RPS6KC1: variants seen among roughly 807,000 people sequenced by gnomAD.
The protein encoded by RPS6KC1 is ribosomal protein S6 kinase C1.
RPS6KC1 carries 54 observed loss-of-function variants against 103.8 expected under a neutral mutation model. The observed-to-expected ratio is 0.52, with a 90% CI of 0.42 to 0.65. The LOEUF is 0.65. RPS6KC1 is among the 30% of genes least tolerant of loss of function. RPS6KC1 has a pLI of 0.00. For synonymous variants in RPS6KC1, 439 were observed against 438.7 expected, an observed-to-expected ratio of 1.00 and a Z score of -0.01; for missense variants, 1,151 against 1,253.8, an observed-to-expected ratio of 0.92 and a Z score of 1.24.
the RPS6KC1 span, among the ~76,000 whole-genome samples, chr1:213,542,456 G>GCTC: frequency 6.6e-6 from 1 of 152,158 alleles, no homozygotes; most frequent in Non-Finnish European, 1.5e-5. Flanking sequence ...TACAACACAG[G>GCTC]TGGCATCCCC....
the RPS6KC1 span, among the ~76,000 whole-genome samples, chr1:213,496,544 G>A: frequency 6.6e-6 from 1 of 152,142 alleles, no homozygotes; most frequent in African/African-American, 2.4e-5. Flanking sequence ...AATCATTTGA[G>A]GTCAAGGGTT....
At chr1:213,357,573 C>CAGCA in the RPS6KC1 span, among the ~76,000 whole-genome samples, 1 of 152,202 alleles carries the variant, frequency 6.6e-6, no homozygotes. Flanking sequence ...AAGGTCTGAC[C>CAGCA]AGCAGGGCTC....
At chr1:213,410,282 A>G in the RPS6KC1 span, among the ~76,000 whole-genome samples, 6 of 152,266 alleles carry the variant, frequency 3.9e-5, no homozygotes, top group Non-Finnish European at 7.4e-5. Context: ...CCCTGAGGAA[A>G]TGAGAGGGGG....
the RPS6KC1 span, among the ~76,000 whole-genome samples, chr1:213,576,912 T>A: frequency 6.6e-6 from 1 of 152,234 alleles, no homozygotes; most frequent in African/African-American, 2.4e-5. Context: ...CCAGTGAACA[T>A]GTCAATGATA....
At chr1:213,059,050 CT>C (rs1188726429) in intron 1 of RPS6KC1, among the ~76,000 whole-genome samples, 2 of 152,220 alleles carry the variant, frequency 1.3e-5, no homozygotes, top group African/African-American at 4.8e-5. Flanking sequence ...TGGTTTTCAG[CT>C]TTTCTTTGCT....
At chr1:213,770,858 C>T in the RPS6KC1 span, among the ~76,000 whole-genome samples, 1 of 152,210 alleles carries the variant, frequency 6.6e-6, no homozygotes, top group Non-Finnish European at 1.5e-5. Context: ...AAATACTATT[C>T]ATAATTCTGT....
chr1:213,468,075 T>C, the RPS6KC1 span, among the ~76,000 whole-genome samples: 9 of 152,210 alleles, frequency 5.9e-5, no homozygotes, highest in Non-Finnish European at 7.4e-5. Context: ...TTCAACAAAT[T>C]AGACATAAAC....
rs762470213 is a variant in RPS6KC1 at position 213,230,534 on chromosome 1, T to C, written c.1082T>C (p.Phe361Ser). 2.5e-6 allele frequency: 4 copies of C among 1,605,468 alleles called. No individual in the cohort carries two copies. Among genetic ancestry groups the C allele is most frequent in the Admixed American group, 3.4e-5 (2 of 58,804 alleles). The change falls in exon 9 of 15, where the codon TTC (phenylalanine) becomes TCC (serine). Residue 361 changes from phenylalanine (F) to serine (S), a missense_variant. Physicochemically the swap from Phe to Ser is radical, Grantham distance 155 (BLOSUM62 -2). Transcript: ENST00000366960. ...LVMDTRTEQT[F>S]ILKGLRKSSE... Reference sequence around the variant, plus strand: ...ATGGACACAAGGACAGAACAGACTTTCATTTTAAAAGTAAGTAAAATTTGT... The same window carrying C: ...ATGGACACAAGGACAGAACAGACTTCCATTTTAAAAGTAAGTAAAATTTGT...
the RPS6KC1 span, among the ~76,000 whole-genome samples, chr1:213,796,724 C>T: frequency 3.3e-5 from 5 of 152,126 alleles, no homozygotes; most frequent in East Asian, 3.9e-4. Flanking sequence ...TCTTCCTACT[C>T]GATCTGCCAA....
At chr1:213,430,229 T>A in the RPS6KC1 span, among the ~76,000 whole-genome samples, 1 of 152,230 alleles carries the variant, frequency 6.6e-6, no homozygotes, top group Admixed American at 6.5e-5. Context: ...CTATCATGAT[T>A]CTTACTTATC....
the RPS6KC1 span, among the ~76,000 whole-genome samples, chr1:213,828,663 A>T: frequency 6.6e-6 from 1 of 152,166 alleles, no homozygotes. Flanking sequence ...ACTGAAAAAG[A>T]TCTTAGAGAA....
chr1:213,343,440 T>TACATAC, the RPS6KC1 span, among the ~76,000 whole-genome samples: 2 of 80,414 alleles, frequency 2.5e-5, 1 homozygote, highest in African/African-American at 9.9e-5. Flanking sequence ...TATATATATA[T>TACATAC]ACATACCATG....
chr1:213,086,825 A>G (rs1178441743), intron 3 of RPS6KC1, among the ~76,000 whole-genome samples: 1 of 152,188 alleles, frequency 6.6e-6, no homozygotes, highest in Non-Finnish European at 1.5e-5. Context: ...CTGCATATAT[A>G]TATGTATATG....
At chr1:213,628,803 A>T in the RPS6KC1 span, among the ~76,000 whole-genome samples, 1 of 152,178 alleles carries the variant, frequency 6.6e-6, no homozygotes, top group African/African-American at 2.4e-5. Flanking sequence ...CGTTGGTTTC[A>T]AAGAACGTCT....
chr1:213,665,408 A>G, the RPS6KC1 span, among the ~76,000 whole-genome samples: 2 of 152,092 alleles, frequency 1.3e-5, no homozygotes, highest in Non-Finnish European at 2.9e-5. Flanking sequence ...ACACGAACAC[A>G]AATTGCCATT....
At chr1:213,686,226 T>C in the RPS6KC1 span, among the ~76,000 whole-genome samples, 1 of 152,226 alleles carries the variant, frequency 6.6e-6, no homozygotes, top group African/African-American at 2.4e-5. Flanking sequence ...TATAGCCTTT[T>C]TGTAGGCCTT....
At chr1:213,159,956 A>G (rs576285658) in intron 6 of RPS6KC1, among the ~76,000 whole-genome samples, 22 of 152,340 alleles carry the variant, frequency 1.4e-4, no homozygotes, top group African/African-American at 3.8e-4. Context: ...ATGAAAATCT[A>G]TTATTTTAGT....
the RPS6KC1 span, among the ~76,000 whole-genome samples, chr1:213,532,087 G>A: frequency 0.017 from 2,660 of 152,262 alleles, 74 homozygotes; most frequent in African/African-American, 0.056. Flanking sequence ...CAGCGCTTAC[G>A]GCCTTCACTC....
At chr1:213,823,361 A>G in the RPS6KC1 span, among the ~76,000 whole-genome samples, 1 of 152,172 alleles carries the variant, frequency 6.6e-6, no homozygotes, top group African/African-American at 2.4e-5. Flanking sequence ...GCCCTTTCCT[A>G]GTGCCTGGCA....
Sources: allele counts gnomAD v4.1 joint callset (sites outside exome capture counted in the v4.1 genomes callset), GRCh38; gene constraint gnomAD v4.1.1; transcripts MANE v1.5; gene names NCBI Gene and HGNC (gene_info 2026-07-23, HGNC 2026-07-21).